ZNF469: variants seen among roughly 807,000 people sequenced by gnomAD.
The protein encoded by ZNF469 is zinc finger protein 469.
Under a neutral mutation model 1.0 loss-of-function variants are expected in ZNF469, and 1 was observed. The ratio of observed to expected loss-of-function variants is 1.00; its 90% CI spans 0.35 to 4.73. The LOEUF is 4.73. Among genes scored for constraint, ZNF469 ranks in the 30% most tolerant of loss-of-function variants. The probability of loss-of-function intolerance (pLI) is 0.16; values close to 1 mark genes in which losing one functional copy is unlikely to be tolerated. For missense variants in ZNF469, 6,100 were observed against 5,356.3 expected, an observed-to-expected ratio of 1.14 and a Z score of -4.33; for synonymous variants, 2,703 against 2,363.4, an observed-to-expected ratio of 1.14 and a Z score of -4.17.
At chr16:88,181,073 CTTTT>C in the ZNF469 span, among the ~76,000 whole-genome samples, 3 of 131,144 alleles carry the variant, frequency 2.3e-5, no homozygotes, top group African/African-American at 5.9e-5. Context: ...AGAATACACA[CTTTT>C]TTTTTTTTTT....
the ZNF469 span, among the ~76,000 whole-genome samples, chr16:88,265,016 G>A: frequency 6.6e-6 from 1 of 151,998 alleles, no homozygotes; most frequent in Non-Finnish European, 1.5e-5. Context: ...ATTTCCTCTG[G>A]CGCTGACCTA....
At position 88,424,109 on chromosome 16, in the gene ZNF469, A is replaced by G. The variant is rs1905599453; in HGVS notation, c.-191-698A>G. Among the ~76,000 whole-genome samples, 2 of 152,244 alleles carry G rather than the reference A, an allele frequency of 1.3e-5. No homozygotes were observed. Among genetic ancestry groups the G allele is most frequent in the Admixed American group, 6.5e-5 (1 of 15,286 alleles). ...GAGCACAGGCTGTCGCCATGTGGTG[A>G]CCATTGCTGTATTGTTTCTAAGGGC... On this transcript the variant is annotated intron_variant, in intron 1 of 2. Coordinates refer to ENST00000565624, the MANE Select transcript of ZNF469 (RefSeq NM_001367624.2). This position sits in a 1 kb window ranked among gnomAD's most constrained non-coding sequence, Gnocchi z 4.3.
chr16:88,104,736 G>A, the ZNF469 span, among the ~76,000 whole-genome samples: 13 of 152,218 alleles, frequency 8.5e-5, no homozygotes, highest in African/African-American at 2.7e-4. Flanking sequence ...CAGTGTGGAC[G>A]CTCCTATCCT....
At chr16:88,263,916 G>A in the ZNF469 span, among the ~76,000 whole-genome samples, 1 of 152,044 alleles carries the variant, frequency 6.6e-6, no homozygotes, top group African/African-American at 2.4e-5. Context: ...GACCTGCGTG[G>A]CCATGAGACC....
chr16:88,185,923 C>T, the ZNF469 span, among the ~76,000 whole-genome samples: 1 of 152,054 alleles, frequency 6.6e-6, no homozygotes, highest in East Asian at 1.9e-4. Flanking sequence ...CACATTCACA[C>T]TCTCACACAT....
At chr16:88,173,797 A>G in the ZNF469 span, among the ~76,000 whole-genome samples, 2 of 152,224 alleles carry the variant, frequency 1.3e-5, no homozygotes, top group Non-Finnish European at 2.9e-5. Context: ...GTCAAAATAC[A>G]TATTATAAAC....
At chr16:88,244,490 T>C in the ZNF469 span, among the ~76,000 whole-genome samples, 1 of 150,636 alleles carries the variant, frequency 6.6e-6, no homozygotes, top group Non-Finnish European at 1.5e-5. Flanking sequence ...CATTGATGAG[T>C]GGGTGGATGC....
the ZNF469 span, among the ~76,000 whole-genome samples, chr16:88,318,796 C>T: frequency 6.6e-6 from 1 of 152,230 alleles, no homozygotes; most frequent in African/African-American, 2.4e-5. Flanking sequence ...GCAGAAGGAC[C>T]ACTGCCAAAT....
intron 1 of ZNF469, among the ~76,000 whole-genome samples, chr16:88,421,314 G>A (rs1173286947): frequency 3.3e-5 from 5 of 152,186 alleles, no homozygotes; most frequent in Non-Finnish European, 5.9e-5. Context: ...AAAAGGAGCC[G>A]CTCGTGCTCC....
At chr16:88,149,131 G>A in the ZNF469 span, among the ~76,000 whole-genome samples, 1 of 151,572 alleles carries the variant, frequency 6.6e-6, no homozygotes, top group Non-Finnish European at 1.5e-5. Flanking sequence ...TGAGCTCACA[G>A]TCTTTCCTCC....
At chr16:88,385,698 G>A (rs1438184251) in intron 1 of ZNF469, among the ~76,000 whole-genome samples, 1 of 152,094 alleles carries the variant, frequency 6.6e-6, no homozygotes, top group African/African-American at 2.4e-5. Context: ...CAAACATAGG[G>A]CTGATGATGT....
chr16:88,238,269 C>A, the ZNF469 span, among the ~76,000 whole-genome samples: 2 of 152,198 alleles, frequency 1.3e-5, no homozygotes, highest in Non-Finnish European at 2.9e-5. Context: ...TGGAAGTTCC[C>A]CGTGGGAAGG....
rs964350361 is a variant in ZNF469 at position 88,431,176 on chromosome 16, C to T, written c.3706C>T (p.Pro1236Ser). Residue 1236 changes from proline (P) to serine (S), a missense_variant, in exon 3 of 3, where the codon CCG becomes TCG. By Grantham distance (74) the Pro-to-Ser change is moderately conservative (BLOSUM62 -1). Transcript: ENST00000565624. ...KEPETAEESA[P>S]DSTEFTEALR... ...GCCTGAAACTGCCGAAGAGTCAGCC[C>T]CGGACAGCACAGAATTCACAGAGGC... The T allele has an allele frequency of 4.5e-6, 7 of 1,550,238 alleles. No individual in the cohort carries two copies. In the African/African-American group the frequency reaches 8.2e-5, roughly 18 times the overall value.
the ZNF469 span, among the ~76,000 whole-genome samples, chr16:88,299,666 C>T: frequency 6.6e-6 from 1 of 152,186 alleles, no homozygotes; most frequent in African/African-American, 2.4e-5. Context: ...CCCACTCCAG[C>T]TGAGTGCCAA....
the ZNF469 span, among the ~76,000 whole-genome samples, chr16:88,131,245 G>A: frequency 1.3e-5 from 2 of 152,236 alleles, no homozygotes; most frequent in Non-Finnish European, 2.9e-5. Flanking sequence ...AAAAGTGACT[G>A]CTTTTCTCAG....
chr16:88,233,340 G>T, the ZNF469 span, among the ~76,000 whole-genome samples: 2,702 of 152,322 alleles, frequency 0.018, 116 homozygotes, highest in East Asian at 0.15. Flanking sequence ...GCCCCACCAT[G>T]GCCAGTGGTT....
At chr16:88,231,311 A>C in the ZNF469 span, among the ~76,000 whole-genome samples, 1 of 152,134 alleles carries the variant, frequency 6.6e-6, no homozygotes, top group Non-Finnish European at 1.5e-5. This position sits in a 1 kb window ranked among gnomAD's most constrained non-coding sequence, Gnocchi z 4.5. Flanking sequence ...GGCTCAGGGA[A>C]CCTGTGTGAA....
rs773423006 is a variant in ZNF469, at chr16:88,438,575, C to T, written c.11105C>T (p.Ala3702Val). 229 of 1,550,104 alleles carry T rather than the reference C, an allele frequency of 1.5e-4. No individual in the cohort carries two copies. The highest frequency in any genetic ancestry group is 2.4e-5 in the East Asian group (1 of 40,914). Residue 3702 changes from alanine (A) to valine (V), a missense_variant, in exon 3 of 3, where the codon GCG becomes GTG. Coordinates refer to ENST00000565624, the MANE Select transcript of ZNF469 (RefSeq NM_001367624.2). The stretch of plus-strand genomic sequence containing the variant: ...AAGTTCCCAGTGCACCCAAGGAAGG[C>T]GGTGGGGAGCCTGGCACCCGGGGAG... Reference protein sequence around the residue: ...ALKFPVHPRKAVGSLAPGELA... With the variant: ...ALKFPVHPRKVVGSLAPGELA...
At chr16:88,244,361 A>T in the ZNF469 span, among the ~76,000 whole-genome samples, 3 of 145,980 alleles carry the variant, frequency 2.1e-5, 1 homozygote, top group Admixed American at 2.0e-4. Flanking sequence ...GAATGGGTGG[A>T]TGGATGGATG....
Sources: gnomAD v4.1 joint callset for allele counts (sites outside exome capture counted in the v4.1 genomes callset) on GRCh38, gnomAD v4.1.1 for gene constraint, Gnocchi (gnomAD v3.1) non-coding constraint, MANE v1.5 for transcripts, NCBI Gene and HGNC (gene_info 2026-07-23, HGNC 2026-07-21) for gene names.